Variants in MOBP observed in about 807,000 individuals in gnomAD.
MOBP encodes myelin-associated oligodendrocyte basic protein.
In MOBP, 5 loss-of-function variants were observed where a neutral mutation model predicts 15.0. The ratio of observed to expected loss-of-function variants is 0.33; its 90% confidence interval spans 0.17 to 0.70. MOBP has a LOEUF of 0.70. Among genes scored for constraint, MOBP ranks in the 30% least tolerant of loss-of-function variants. The pLI is 0.67. For synonymous variants in MOBP, 88 were observed against 99.0 expected (o/e 0.89, Z 0.66); for missense variants, 188 against 257.8 (o/e 0.73, Z 1.85).
At chr3:39,505,109 A>G (rs773924503), downstream of MOBP, among the ~76,000 whole-genome samples, 11 of 152,204 alleles carry the variant, frequency 7.2e-5, no homozygotes, top group Non-Finnish European at 1.5e-4. Context: ...CTGTCCTCCC[A>G]GTTCTAAGAT....
Position 39,502,956 on chromosome 3 carries a change from C to G in MOBP, c.*76C>G. 4.3e-6 allele frequency: 3 copies of G among 690,426 alleles called. No homozygotes were observed. The highest frequency in any genetic ancestry group is 7.2e-6 in the Non-Finnish European group (3 of 418,402). 42.8% of individuals were successfully genotyped at this position (690,426 alleles called of 1,614,324 possible). ...TGTGTTTACTAACACCGGGCTGTCTCCATGGCCCTCTTCAGCCTTATTACC... is the reference window on the plus strand; with the variant it reads ...TGTGTTTACTAACACCGGGCTGTCTGCATGGCCCTCTTCAGCCTTATTACC... On this transcript the variant is annotated 3_prime_UTR_variant, in exon 4 of 4. Transcript: ENST00000684792. This position sits in a 1 kb window ranked among gnomAD's most constrained non-coding sequence, Gnocchi z 6.3.
At chr3:39,515,156 C>T (rs544908183) in exon 5 of MOBP, 6 of 152,332 alleles carry the variant, frequency 3.9e-5, no homozygotes, top group African/African-American at 1.2e-4. Flanking sequence ...TGACACACCC[C>T]CTTCAGGGGC....
chr3:39,485,906 C>T (rs1480540964), intron 2 of MOBP, among the ~76,000 whole-genome samples: 1 of 151,592 alleles, frequency 6.6e-6, no homozygotes, highest in African/African-American at 2.4e-5. Flanking sequence ...ATAAAAGATA[C>T]CTCTTTTTCT....
At chr3:39,492,971 A>T (rs1274917710) in intron 2 of MOBP, among the ~76,000 whole-genome samples, 5 of 152,184 alleles carry the variant, frequency 3.3e-5, no homozygotes, top group Non-Finnish European at 7.3e-5. Context: ...ACCCGTTTGC[A>T]TGTCTGACTT....
At chr3:39,511,740 TC>T (rs989401921) in intron 4 of MOBP, among the ~76,000 whole-genome samples, 1 of 151,952 alleles carries the variant, frequency 6.6e-6, no homozygotes, top group African/African-American at 2.4e-5. Flanking sequence ...CTTACACTCA[TC>T]CCCCCAGGGC....
In MOBP at chr3:39,469,177, CATGT is replaced by C. The variant is rs1223968430; in HGVS notation, c.-89+1438_-89+1441del. Among the ~76,000 whole-genome samples, 6 of 76,838 alleles carry C rather than the reference CATGT, an allele frequency of 7.8e-5. 2 individuals are homozygous for C. Among genetic ancestry groups the C allele is most frequent in the Non-Finnish European group, 1.1e-4 (5 of 43,984 alleles). The allele number at this position is 76,838 out of a possible 152,430, so 50.4% of individuals were successfully genotyped here. On this transcript the variant is annotated intron_variant, in intron 1 of 3. Coordinates refer to ENST00000684792, the MANE Select transcript of MOBP (RefSeq NM_001393704.1). ...ATATGTGTGTGTGTATACATATATA[CATGT>C]GTGTGTGTGTATATACATATATACA... is the stretch of plus-strand genomic sequence containing the variant.
At chr3:39,481,253 C>T (rs995689770) in intron 2 of MOBP, among the ~76,000 whole-genome samples, 1 of 152,192 alleles carries the variant, frequency 6.6e-6, no homozygotes, top group East Asian at 1.9e-4. Context: ...ACTGACTGGT[C>T]TAATTTCTAC....
chr3:39,477,915 T>C (rs1388157276), intron 1 of MOBP, among the ~76,000 whole-genome samples: 2 of 152,074 alleles, frequency 1.3e-5, no homozygotes, highest in African/African-American at 4.8e-5. Context: ...AAAATACTTT[T>C]CTATAGCTAT....
At chr3:39,512,297 C>T (rs816488) in intron 4 of MOBP, among the ~76,000 whole-genome samples, 142,312 of 152,230 alleles carry the variant, frequency 0.93, 66,816 homozygotes, top group Non-Finnish European at 0.98. Context: ...ATCTGTGGGC[C>T]TCCGTGCTAG....
At chr3:39,496,308 C>T (rs1395345234) in intron 2 of MOBP, among the ~76,000 whole-genome samples, 11 of 151,044 alleles carry the variant, frequency 7.3e-5, no homozygotes, top group African/African-American at 2.7e-4. Context: ...ACGCCATTCT[C>T]CTGCCTCAGC....
chr3:39,500,572 G>C (rs1708062), intron 2 of MOBP, among the ~76,000 whole-genome samples: 152,086 of 152,262 alleles, frequency 1, 75,955 homozygotes, highest in Middle Eastern at 1. Flanking sequence ...ATGGAGGTCT[G>C]TGGGGAGCTA....
At chr3:39,487,868 C>T (rs758441525) in intron 2 of MOBP, among the ~76,000 whole-genome samples, 15 of 152,146 alleles carry the variant, frequency 9.9e-5, no homozygotes, top group Middle Eastern at 3.4e-3. Context: ...GCCCTTCCAT[C>T]GAATCAGATC....
chr3:39,489,168 T>G (rs1489939244), intron 2 of MOBP, among the ~76,000 whole-genome samples: 7 of 152,232 alleles, frequency 4.6e-5, no homozygotes, highest in African/African-American at 1.4e-4. Flanking sequence ...CCACATATCT[T>G]TTGGATCTCA....
chr3:39,488,657 T>C (rs933055132), intron 2 of MOBP, among the ~76,000 whole-genome samples: 8 of 152,220 alleles, frequency 5.3e-5, no homozygotes, highest in Non-Finnish European at 1.0e-4. Flanking sequence ...AACTGTACTC[T>C]TACCTTTTTC....
intron 2 of MOBP, among the ~76,000 whole-genome samples, chr3:39,501,393 C>T (rs950414293): frequency 1.3e-5 from 2 of 152,232 alleles, no homozygotes; most frequent in Non-Finnish European, 2.9e-5. Flanking sequence ...GCATCTGTCA[C>T]ATTCCTAGAA....
chr3:39,504,947 T>G (rs537227759), downstream of MOBP, among the ~76,000 whole-genome samples: 71 of 152,400 alleles, frequency 4.7e-4, no homozygotes, highest in African/African-American at 1.7e-3. Flanking sequence ...CTAATTGGAT[T>G]CTTAATAACT....
Position 39,502,963 on chromosome 3 carries a change from C to T in MOBP, c.*83C>T, listed in dbSNP as rs142252784. The T allele has an allele frequency of 2.9e-5, 19 of 658,436 alleles. No homozygotes were observed. The African/African-American group carries it at 3.3e-4, about 11-fold the overall frequency. 40.8% of individuals were successfully genotyped at this position (658,436 alleles called of 1,614,324 possible). A position where few individuals can be genotyped will look rare whatever the true frequency, so the allele number is the denominator to read the frequency against. On this transcript the variant is annotated 3_prime_UTR_variant, in exon 4 of 4. Coordinates refer to ENST00000684792, the MANE Select transcript of MOBP (RefSeq NM_001393704.1). This position sits in a 1 kb window ranked among gnomAD's most constrained non-coding sequence, Gnocchi z 6.3. ...ACTAACACCGGGCTGTCTCCATGGC[C>T]CTCTTCAGCCTTATTACCCAACCTG...
intron 2 of MOBP, among the ~76,000 whole-genome samples, chr3:39,498,072 A>T (rs571391989): frequency 2.0e-5 from 3 of 152,352 alleles, no homozygotes; most frequent in Admixed American, 6.5e-5. Flanking sequence ...ATAAACCGTT[A>T]GGTGGAACTT....
chr3:39,499,979 G>A, intron 2 of MOBP: 1 of 454,898 alleles, frequency 2.2e-6, no homozygotes, highest in African/African-American at 2.0e-5. Flanking sequence ...GACTTTTCAT[G>A]CCATTGCACC....
Sources: allele counts gnomAD v4.1 joint callset (sites outside exome capture counted in the v4.1 genomes callset), GRCh38; gene constraint gnomAD v4.1.1; non-coding constraint Gnocchi (gnomAD v3.1); transcripts MANE v1.5; gene names NCBI Gene and HGNC (gene_info 2026-07-23, HGNC 2026-07-21).